Variants in PCDH15 observed in about 807,000 individuals in gnomAD.
PCDH15 encodes protocadherin related 15.
PCDH15 carries 129 observed loss-of-function variants against 178.5 expected under a neutral mutation model. The ratio of observed to expected loss-of-function variants is 0.72; its 90% CI spans 0.63 to 0.84. PCDH15 has a LOEUF of 0.84. PCDH15 is among the 40% of genes least tolerant of loss of function. The pLI, the probability that PCDH15 is intolerant of heterozygous loss-of-function variation, is 0.00. For missense variants in PCDH15, 2,230 were observed against 2,099.9 expected (o/e 1.06, Z -1.21); for synonymous variants, 800 against 732.0 (o/e 1.09, Z -1.50).
At chr10:53,852,302 C>T (rs10825124) in intron 28 of PCDH15, among the ~76,000 whole-genome samples, 26,184 of 151,894 alleles carry the variant, frequency 0.17, 3,292 homozygotes, top group East Asian at 0.68. Flanking sequence ...ATTTAAAAAA[C>T]CACAAGCCTT....
intron 1 of PCDH15, among the ~76,000 whole-genome samples, chr10:55,226,984 A>C (rs1432064792): frequency 1.3e-5 from 2 of 152,212 alleles, no homozygotes; most frequent in South Asian, 2.1e-4. Context: ...AAAAAATTAG[A>C]AAAATTTTTA....
intron 3 of PCDH15, among the ~76,000 whole-genome samples, chr10:54,395,756 T>C (rs944116242): frequency 9.9e-5 from 15 of 152,158 alleles, no homozygotes; most frequent in Admixed American, 6.6e-5. Context: ...TAATAATACA[T>C]GAGTACCACA....
intron 15 of PCDH15, among the ~76,000 whole-genome samples, chr10:54,112,205 T>C (rs1167126539): frequency 6.6e-6 from 1 of 152,012 alleles, no homozygotes; most frequent in African/African-American, 2.4e-5. Flanking sequence ...CTGGCGACCA[T>C]ATTCCTCTAA....
At chr10:53,833,072 CTTGT>C (rs2077105246) in intron 29 of PCDH15, among the ~76,000 whole-genome samples, 1 of 151,872 alleles carries the variant, frequency 6.6e-6, no homozygotes, top group African/African-American at 2.4e-5. Context: ...AGTGAAACTT[CTTGT>C]TTGAATTGTT....
chr10:55,091,892 C>T, intron 2 of PCDH15, among the ~76,000 whole-genome samples: 1 of 151,792 alleles, frequency 6.6e-6, no homozygotes, highest in Non-Finnish European at 1.5e-5. Context: ...GTATAGTGTA[C>T]TATTTATCTT....
chr10:55,414,290 G>A (rs978648226), intron 2 of PCDH15, among the ~76,000 whole-genome samples: 1 of 151,460 alleles, frequency 6.6e-6, no homozygotes, highest in Non-Finnish European at 1.5e-5. Flanking sequence ...AGGTGTGTAG[G>A]TTGGTATACT....
chr10:55,154,902 A>G (rs1229082417), intron 2 of PCDH15, among the ~76,000 whole-genome samples: 1 of 152,126 alleles, frequency 6.6e-6, no homozygotes, highest in African/African-American at 2.4e-5. Context: ...TGTGGTTCTC[A>G]GATTGCAAGA....
rs376293297 is a variant in PCDH15, at chr10:53,807,152, T to TGTGA, written c.4672-26_4672-23dup. 1,764 of 1,538,770 alleles carry TGTGA rather than the reference T, an allele frequency of 1.1e-3. 23 individuals carry two copies. In the African/African-American group the frequency reaches 0.021, roughly 18 times the overall value. On this transcript the variant is annotated intron_variant, in intron 37 of 37. Transcript: ENST00000644397. Reference sequence around the variant, plus strand: ...CCCACTGATAAAATAAACAAAAATATGTGAGTCACTATCAAATAAATTAAA... The same window carrying TGTGA: ...CCCACTGATAAAATAAACAAAAATATGTGAGTGAGTCACTATCAAATAAATTAAA...
intron 28 of PCDH15, among the ~76,000 whole-genome samples, chr10:53,844,217 G>A (rs2077834695): frequency 6.6e-6 from 1 of 152,024 alleles, no homozygotes; most frequent in Non-Finnish European, 1.5e-5. Context: ...TCTGTTGCTG[G>A]TTTTGAATAC....
At chr10:54,981,280 A>G (rs140997523) in intron 2 of PCDH15, among the ~76,000 whole-genome samples, 20 of 152,250 alleles carry the variant, frequency 1.3e-4, no homozygotes, top group Admixed American at 5.2e-4. Flanking sequence ...TTGTTCACCA[A>G]TTAAAATCCT....
chr10:53,867,952 C>T (rs1450156421), intron 26 of PCDH15, among the ~76,000 whole-genome samples: 1 of 151,832 alleles, frequency 6.6e-6, no homozygotes, highest in East Asian at 1.9e-4. Context: ...TTAAAGTTTC[C>T]TACCATTTAG....
intron 3 of PCDH15, among the ~76,000 whole-genome samples, chr10:54,834,367 CG>C (rs1953277062): frequency 6.6e-6 from 1 of 151,682 alleles, no homozygotes; most frequent in Non-Finnish European, 1.5e-5. Context: ...TTAGTAGAGA[CG>C]GGGTTTTGCC....
chr10:54,162,271 T>G (rs1287429171), intron 13 of PCDH15, among the ~76,000 whole-genome samples: 1 of 152,206 alleles, frequency 6.6e-6, no homozygotes, highest in African/African-American at 2.4e-5. Flanking sequence ...TGTATGTTCC[T>G]CTGCCTTCAG....
At chr10:54,564,697 T>G (rs1446923969) in intron 2 of PCDH15, among the ~76,000 whole-genome samples, 1 of 152,122 alleles carries the variant, frequency 6.6e-6, no homozygotes, top group Non-Finnish European at 1.5e-5. Context: ...AAATATTCCC[T>G]ACATCTTAGA....
chr10:54,869,126 A>G (rs1480639783), intron 3 of PCDH15: 1 of 152,190 alleles, frequency 6.6e-6, no homozygotes, highest in Non-Finnish European at 1.5e-5. Context: ...TAGTGGATTC[A>G]TGTGAAACCA....
intron 15 of PCDH15, among the ~76,000 whole-genome samples, chr10:54,090,870 T>C (rs1292085979): frequency 2.6e-5 from 4 of 152,152 alleles, no homozygotes; most frequent in African/African-American, 9.6e-5. Flanking sequence ...ACGAGGACTA[T>C]ACAACAATAC....
chr10:54,487,733 C>T (rs536022183), intron 3 of PCDH15, among the ~76,000 whole-genome samples: 139 of 151,814 alleles, frequency 9.2e-4, no homozygotes, highest in Non-Finnish European at 1.4e-3. Flanking sequence ...TAATCAAGTC[C>T]CCTTCTCCTC....
At chr10:55,453,554 G>A (rs1467573457) in intron 2 of PCDH15, among the ~76,000 whole-genome samples, 3 of 151,984 alleles carry the variant, frequency 2.0e-5, no homozygotes, top group Non-Finnish European at 4.4e-5. Context: ...CTGATTTGAT[G>A]CATGCATATA....
chr10:54,875,185 T>G (rs1954117329), intron 3 of PCDH15, among the ~76,000 whole-genome samples: 1 of 152,218 alleles, frequency 6.6e-6, no homozygotes, highest in African/African-American at 2.4e-5. Context: ...TCATTGTGAT[T>G]ACATGTGTTA....
Sources: gnomAD v4.1 joint callset for allele counts (sites outside exome capture counted in the v4.1 genomes callset) on GRCh38, gnomAD v4.1.1 for gene constraint, MANE v1.5 for transcripts, NCBI Gene and HGNC (gene_info 2026-07-23, HGNC 2026-07-21) for gene names.